Variants in MAPT observed in about 807,000 individuals in gnomAD.
MAPT encodes microtubule-associated protein tau.
Under a neutral mutation model 67.9 loss-of-function variants are expected in MAPT, and 34 were observed. The observed-to-expected ratio is 0.50, with a 90% CI of 0.38 to 0.67. The LOEUF (loss-of-function observed/expected upper bound fraction) is 0.67, where lower values mean the gene tolerates loss of function less well. Among genes scored for constraint, MAPT ranks in the 30% least tolerant of loss-of-function variants. The pLI, the probability that MAPT is intolerant of heterozygous loss-of-function variation, is 0.00. For missense variants in MAPT, 881 were observed against 1,115.2 expected (o/e 0.79, Z 2.99); for synonymous variants, 456 against 464.5 (o/e 0.98, Z 0.23).
intron 6 of MAPT, among the ~76,000 whole-genome samples, chr17:45,988,432 C>A (rs1046656557): frequency 1.3e-5 from 2 of 152,150 alleles, no homozygotes; most frequent in Non-Finnish European, 2.9e-5. Context: ...CATGCCCACC[C>A]GTCAAAATCC....
At chr17:45,994,123 TC>T (rs2074288303) in intron 8 of MAPT, 1 of 720,616 alleles carries the variant, frequency 1.4e-6, no homozygotes, top group Non-Finnish European at 2.3e-6. Flanking sequence ...CAGTCCGAAT[TC>T]TCTTCCCTGT....
chr17:45,978,302 C>A, intron 3 of MAPT, 73 bp from the exon 4 acceptor site: 1 of 1,198,846 alleles, frequency 8.3e-7, no homozygotes, highest in Non-Finnish European at 1.2e-6. Context: ...CCCGAAGGTA[C>A]AGAGAGCTTG....
At position 45,903,781 on chromosome 17, in the gene MAPT, TAAAATATA is replaced by T. The variant is rs1322431851; in HGVS notation, c.-18+9097_-18+9104del. The stretch of plus-strand genomic sequence containing the variant: ...TTTTTTTTATATATATAATATATAT[TAAAATATA>T]ATATATATATTTATATAATATAATA... On this transcript the variant is annotated intron_variant, in intron 1 of 12. Transcript: ENST00000262410. 9.8e-4 allele frequency among the ~76,000 whole-genome samples: 80 copies of T among 81,730 alleles called. 1 individual carries two copies. Among genetic ancestry groups the T allele is most frequent in the Non-Finnish European group, 1.8e-3 (73 of 39,968 alleles). The allele number at this position is 81,730 out of a possible 152,430, so 53.6% of individuals were successfully genotyped here. A position where few individuals can be genotyped will look rare whatever the true frequency, so the allele number is the denominator to read the frequency against.
At chr17:45,934,891 C>T (rs1008711731) in intron 1 of MAPT, among the ~76,000 whole-genome samples, 5 of 152,122 alleles carry the variant, frequency 3.3e-5, no homozygotes, top group East Asian at 3.9e-4. Context: ...GTTTCCCCCC[C>T]GCTTCTTAGA....
chr17:45,961,775 G>A (rs867983977), intron 1 of MAPT, among the ~76,000 whole-genome samples: 1 of 142,244 alleles, frequency 7.0e-6, no homozygotes, highest in Admixed American at 7.0e-5. Flanking sequence ...TATTTGTTTT[G>A]TTTTTTTTTT....
At position 46,027,514 on chromosome 17, in the gene MAPT, C is replaced by CTGTT. The variant is rs1164657712; in HGVS notation, c.*3346_*3349dup. On this transcript the variant is annotated 3_prime_UTR_variant, in exon 13 of 13. Transcript: ENST00000262410. ...TTGACTTCAGTGGTGAGACTGTATC[C>CTGTT]TGTTTGCTATTGCTTGTTGTGCTAT... The CTGTT allele has an allele frequency of 2.0e-5, 3 of 152,386 alleles. No individual in the cohort carries two copies. The highest frequency in any genetic ancestry group is 7.2e-5 in the African/African-American group (3 of 41,408). The allele number at this position is 152,386 out of a possible 1,614,324, so 9.4% of individuals were successfully genotyped here. A position where few individuals can be genotyped will look rare whatever the true frequency, so the allele number is the denominator to read the frequency against.
intron 1 of MAPT, among the ~76,000 whole-genome samples, chr17:45,935,375 C>T (rs1447003125): frequency 2.6e-5 from 4 of 152,110 alleles, no homozygotes; most frequent in South Asian, 2.1e-4. Flanking sequence ...CATAACCTTC[C>T]GTGGACTCCT....
intron 1 of MAPT, among the ~76,000 whole-genome samples, chr17:45,923,715 C>A (rs1011378278): frequency 3.9e-5 from 6 of 152,200 alleles, no homozygotes; most frequent in Non-Finnish European, 8.8e-5. Flanking sequence ...TAACTCTTAC[C>A]TCTGGGAGGC....
At chr17:45,899,354 T>A (rs1030829101) in intron 1 of MAPT, among the ~76,000 whole-genome samples, 2 of 152,234 alleles carry the variant, frequency 1.3e-5, no homozygotes, top group African/African-American at 4.8e-5. Flanking sequence ...ACACTGGCAC[T>A]GCTATCTTAA....
intron 5 of MAPT, among the ~76,000 whole-genome samples, chr17:45,985,206 G>A (rs2073417438): frequency 6.6e-6 from 1 of 152,170 alleles, no homozygotes; most frequent in Non-Finnish European, 1.5e-5. Context: ...TGGGGAGGCT[G>A]AAGCAGGATA....
At chr17:45,969,867 A>G (rs1195821525) in intron 2 of MAPT, among the ~76,000 whole-genome samples, 1 of 150,760 alleles carries the variant, frequency 6.6e-6, no homozygotes, top group East Asian at 2.0e-4. Context: ...GATTCATCCA[A>G]TTATCCATCA....
intron 8 of MAPT, among the ~76,000 whole-genome samples, chr17:45,992,527 A>G (rs1321518258): frequency 6.6e-6 from 1 of 152,188 alleles, no homozygotes; most frequent in African/African-American, 2.4e-5. Flanking sequence ...TCCTGTGAGT[A>G]AAACCCAGTC....
intron 3 of MAPT, 69 bp from the exon 4 acceptor site, chr17:45,978,306 G>A: frequency 8.1e-7 from 1 of 1,232,900 alleles, no homozygotes; most frequent in Non-Finnish European, 1.2e-6. Context: ...AAGGTACAGA[G>A]AGCTTGGTTT....
chr17:45,980,147 G>A (rs2072793356), intron 4 of MAPT: 1 of 152,196 alleles, frequency 6.6e-6, no homozygotes, highest in African/African-American at 2.4e-5. Flanking sequence ...TAACCCCTGA[G>A]AATTGCTACA....
rs141681157 is a variant in MAPT, at chr17:45,964,259, C to T, written c.133+1789C>T. On this transcript the variant is annotated intron_variant, in intron 2 of 12. Transcript: ENST00000262410. Reference sequence around the variant, plus strand: ...TTCTAGGGTACATGTGCACAACGTGCAGGTTTGTTACATATGTATACATGT... The same window carrying T: ...TTCTAGGGTACATGTGCACAACGTGTAGGTTTGTTACATATGTATACATGT... Among the ~76,000 whole-genome samples, 9 of 152,020 alleles carry T rather than the reference C, an allele frequency of 5.9e-5. No individual in the cohort carries two copies. The East Asian group carries it at 1.7e-3, about 29-fold the overall frequency.
At chr17:45,900,587 A>G (rs1253830594) in intron 1 of MAPT, among the ~76,000 whole-genome samples, 1 of 152,206 alleles carries the variant, frequency 6.6e-6, no homozygotes, top group Admixed American at 6.5e-5. Flanking sequence ...CGAGTCCCCA[A>G]GAAATGCATT....
rs779590751 is a variant in MAPT at position 45,996,802 on chromosome 17, TC to T, written c.1998+142del. 2.2e-5 allele frequency: 26 copies of T among 1,205,502 alleles called. No homozygotes were observed. The highest frequency in any genetic ancestry group is 3.0e-5 in the Non-Finnish European group (26 of 871,438). 74.7% of individuals were successfully genotyped at this position (1,205,502 alleles called of 1,614,324 possible). Reference sequence around the variant, plus strand: ...GGGACTGTGCATGGAGGTGTGGGGCTCCCCGCACCTGAGCACCCCCGCATAA... The same window carrying T: ...GGGACTGTGCATGGAGGTGTGGGGCTCCCGCACCTGAGCACCCCCGCATAA... On this transcript the variant is annotated intron_variant, in intron 9 of 12. Coordinates refer to ENST00000262410, the MANE Select transcript of MAPT (RefSeq NM_001377265.1). The surrounding 1 kb of genome is among the most constrained non-coding windows in gnomAD (Gnocchi z 4.5).
chr17:45,904,365 T>C (rs2064137272), intron 1 of MAPT, among the ~76,000 whole-genome samples: 2 of 82,406 alleles, frequency 2.4e-5, no homozygotes, highest in South Asian at 5.4e-4. Context: ...ATTATATATA[T>C]TAAATATATT....
intron 11 of MAPT, among the ~76,000 whole-genome samples, chr17:46,017,711 G>C (rs528134926): frequency 4.7e-5 from 7 of 147,630 alleles, no homozygotes; most frequent in Non-Finnish European, 1.0e-4. Context: ...CACCTGCCTC[G>C]GCCTCCCAAA....
Sources: gnomAD v4.1 joint callset for allele counts (sites outside exome capture counted in the v4.1 genomes callset) on GRCh38, gnomAD v4.1.1 for gene constraint, Gnocchi (gnomAD v3.1) non-coding constraint, MANE v1.5 for transcripts, NCBI Gene and HGNC (gene_info 2026-07-23, HGNC 2026-07-21) for gene names.